The following UVRAG variants were observed in gnomAD, a reference collection of about 807,000 sequenced individuals.
UVRAG encodes UV radiation resistance-associated gene protein.
In UVRAG, 19 loss-of-function variants were observed where a neutral mutation model predicts 78.0. The observed-to-expected ratio is 0.24, with a 90% CI of 0.17 to 0.36. The LOEUF (loss-of-function observed/expected upper bound fraction) is 0.36, where lower values mean the gene tolerates loss of function less well. Ranked by LOEUF, UVRAG falls within the 10% of genes least tolerant of loss-of-function variation. The probability of loss-of-function intolerance (pLI) is 1.00; values close to 1 mark genes in which losing one functional copy is unlikely to be tolerated. For missense variants in UVRAG, 740 were observed against 853.8 expected (o/e 0.87, Z 1.66); for synonymous variants, 323 against 324.6 (o/e 1.00, Z 0.05).
chr11:76,079,941 A>G (rs1951467555), intron 13 of UVRAG, among the ~76,000 whole-genome samples: 1 of 152,174 alleles, frequency 6.6e-6, no homozygotes, highest in African/African-American at 2.4e-5. Flanking sequence ...TAATAAAGAA[A>G]AGAGATTTGT....
At chr11:75,993,562 G>A (rs948640572) in intron 8 of UVRAG, among the ~76,000 whole-genome samples, 2 of 152,062 alleles carry the variant, frequency 1.3e-5, no homozygotes, top group Non-Finnish European at 2.9e-5. Flanking sequence ...TTGCTTTACC[G>A]GGTCTTTTGT....
At chr11:75,843,920 C>T (rs891872959) in intron 1 of UVRAG, among the ~76,000 whole-genome samples, 2 of 149,138 alleles carry the variant, frequency 1.3e-5, no homozygotes, top group Non-Finnish European at 3.0e-5. Flanking sequence ...GATTGCGCCA[C>T]TGCACTCCAG....
intron 7 of UVRAG, among the ~76,000 whole-genome samples, chr11:75,977,768 TG>T (rs1949278091): frequency 6.6e-6 from 1 of 152,210 alleles, no homozygotes; most frequent in African/African-American, 2.4e-5. Flanking sequence ...TGTGTGTCTC[TG>T]CACGTGAGAT....
intron 5 of UVRAG, chr11:75,911,375 G>A (rs573814045): frequency 4.4e-5 from 7 of 160,048 alleles, no homozygotes; most frequent in Admixed American, 2.6e-4. Flanking sequence ...GGGTGGGCAC[G>A]TTTCCTGGGT....
intron 4 of UVRAG, among the ~76,000 whole-genome samples, chr11:75,884,055 A>G (rs1472625966): frequency 6.6e-6 from 1 of 152,204 alleles, no homozygotes; most frequent in Admixed American, 6.5e-5. Context: ...TCCCATCAGC[A>G]ATGTATAATA....
intron 13 of UVRAG, among the ~76,000 whole-genome samples, chr11:76,084,580 T>C (rs1423724613): frequency 6.6e-6 from 1 of 152,216 alleles, no homozygotes; most frequent in Non-Finnish European, 1.5e-5. Flanking sequence ...TCCTGTATTT[T>C]ATCTTTATAA....
chr11:75,911,660 A>G, intron 5 of UVRAG: 2 of 239,128 alleles, frequency 8.4e-6, no homozygotes, highest in Non-Finnish European at 1.6e-5. Flanking sequence ...CTGGGGCGGC[A>G]CCTGCTGGGC....
chr11:76,064,870 G>A (rs927351920), intron 12 of UVRAG, among the ~76,000 whole-genome samples: 1 of 152,200 alleles, frequency 6.6e-6, no homozygotes, highest in Non-Finnish European at 1.5e-5. Context: ...AAGTAAGGAA[G>A]ATGAAGTTTT....
chr11:75,853,415 A>C (rs1415223013), intron 2 of UVRAG, among the ~76,000 whole-genome samples: 3 of 127,070 alleles, frequency 2.4e-5, no homozygotes, highest in Non-Finnish European at 4.7e-5. Flanking sequence ...CCTGGAGTGC[A>C]ATGGCGTGAT....
intron 8 of UVRAG, among the ~76,000 whole-genome samples, chr11:75,990,135 T>G (rs1949577343): frequency 6.6e-6 from 1 of 152,218 alleles, no homozygotes; most frequent in Non-Finnish European, 1.5e-5. Flanking sequence ...TGAAGTATAG[T>G]TTACATTACA....
rs545298097 is a variant in UVRAG, at chr11:75,932,506, G to A, written c.593+20467G>A. ...ACACCATGTTGGCAAGGATGGTCTC[G>A]ATCTCCTGAGCTCATGATCTGCCCG... is the stretch of plus-strand genomic sequence containing the variant. On this transcript the variant is annotated intron_variant, in intron 6 of 14. Coordinates refer to ENST00000356136, the MANE Select transcript of UVRAG (RefSeq NM_003369.4). 5.9e-5 allele frequency among the ~76,000 whole-genome samples: 9 copies of A among 152,004 alleles called. No homozygotes were observed. The South Asian group carries it at 6.2e-4, about 11-fold the overall frequency.
At chr11:76,062,196 A>G (rs147881327) in intron 12 of UVRAG, among the ~76,000 whole-genome samples, 24 of 152,264 alleles carry the variant, frequency 1.6e-4, no homozygotes, top group African/African-American at 5.5e-4. Context: ...GATACTTACT[A>G]GATTGAGGGC....
chr11:76,017,928 G>A (rs1950178137), intron 12 of UVRAG, among the ~76,000 whole-genome samples: 1 of 152,042 alleles, frequency 6.6e-6, no homozygotes, highest in Admixed American at 6.5e-5. Flanking sequence ...TGGAAATACA[G>A]TACAGAACAA....
intron 6 of UVRAG, among the ~76,000 whole-genome samples, chr11:75,930,194 A>G (rs1408195373): frequency 6.6e-6 from 1 of 152,218 alleles, no homozygotes; most frequent in East Asian, 1.9e-4. Context: ...CAACTTGTCT[A>G]AGATTGTACA....
chr11:75,828,805 A>ATATATATATATATATTTTTTT (rs1478310271), intron 1 of UVRAG, among the ~76,000 whole-genome samples: 1 of 100,276 alleles, frequency 1.0e-5, no homozygotes, highest in Non-Finnish European at 1.9e-5. Flanking sequence ...ATATATATAT[A>ATATATATATATATATTTTTTT]TTTTTTTTTT....
chr11:75,815,731 A>G (rs1945249981), intron 1 of UVRAG, among the ~76,000 whole-genome samples: 1 of 152,010 alleles, frequency 6.6e-6, no homozygotes, highest in South Asian at 2.1e-4. Context: ...TCCTAGGAGA[A>G]TCCCGTTACA....
At chr11:75,817,262 G>A (rs1945279416) in intron 1 of UVRAG, among the ~76,000 whole-genome samples, 1 of 152,180 alleles carries the variant, frequency 6.6e-6, no homozygotes, top group Admixed American at 6.5e-5. Context: ...GAAGGTTTTA[G>A]TTTGGGGGAG....
intron 4 of UVRAG, among the ~76,000 whole-genome samples, chr11:75,882,991 G>C (rs1946984754): frequency 6.6e-6 from 1 of 151,446 alleles, no homozygotes; most frequent in South Asian, 2.1e-4. Flanking sequence ...TTTCTTTTTT[G>C]CTACCAGGTA....
intron 6 of UVRAG, among the ~76,000 whole-genome samples, chr11:75,960,054 A>G (rs554682465): frequency 1.3e-5 from 2 of 152,324 alleles, no homozygotes; most frequent in East Asian, 3.9e-4. Context: ...ATCACAGGTC[A>G]CCATAACAGA....
Sources: gnomAD v4.1 joint callset for allele counts (sites outside exome capture counted in the v4.1 genomes callset) on GRCh38, gnomAD v4.1.1 for gene constraint, MANE v1.5 for transcripts, NCBI Gene and HGNC (gene_info 2026-07-23, HGNC 2026-07-21) for gene names.